The following OPCML variants were observed in gnomAD, a reference collection of about 807,000 sequenced individuals.
OPCML encodes the protein opioid-binding protein/cell adhesion molecule.
OPCML carries 13 observed loss-of-function variants against 37.8 expected under a neutral mutation model. The ratio of observed to expected loss-of-function variants is 0.34; its 90% confidence interval spans 0.22 to 0.55. The LOEUF is 0.55. Among genes scored for constraint, OPCML ranks in the 20% least tolerant of loss-of-function variants. The pLI is 0.91. For missense variants in OPCML, 341 were observed against 435.6 expected, an observed-to-expected ratio of 0.78 and a Z score of 1.93; for synonymous variants, 176 against 168.8, an observed-to-expected ratio of 1.04 and a Z score of -0.33.
At chr11:133,244,528 G>A (rs1030808091) in intron 1 of OPCML, among the ~76,000 whole-genome samples, 16 of 152,160 alleles carry the variant, frequency 1.1e-4, no homozygotes, top group African/African-American at 3.6e-4. Context: ...TTGGCTCTGT[G>A]TTCCCACCTA....
chr11:132,499,175 C>T (rs573229407), intron 4 of OPCML, among the ~76,000 whole-genome samples: 7 of 152,274 alleles, frequency 4.6e-5, no homozygotes, highest in African/African-American at 1.4e-4. Flanking sequence ...GTGATGATTC[C>T]AGGTGCAGGG....
intron 1 of OPCML, among the ~76,000 whole-genome samples, chr11:133,099,442 C>CTTTTTTTTT: frequency 3.2e-3 from 384 of 119,288 alleles, no homozygotes; most frequent in African/African-American, 4.0e-3. Context: ...TTCTTTTTTT[C>CTTTTTTTTT]TTTTTTTTTT....
Position 133,173,011 on chromosome 11 carries a change from A to C in OPCML, c.62-230001T>G, listed in dbSNP as rs115540068. The stretch of plus-strand genomic sequence containing the variant: ...AACACTTAAAGTTGAATTTTTATGA[A>C]AAGTTACATGGCTTAATAATCAAAC... On this transcript the variant is annotated intron_variant, in intron 1 of 7. Coordinates refer to ENST00000524381, the MANE Select transcript of OPCML (RefSeq NM_001012393.5). The surrounding 1 kb of genome is among the most constrained non-coding windows in gnomAD (Gnocchi z 7.8). Among the ~76,000 whole-genome samples, 2,027 of 152,326 alleles carry C rather than the reference A, an allele frequency of 0.013. 31 individuals carry two copies. Among genetic ancestry groups the C allele is most frequent in the African/African-American group, 0.034 (1,398 of 41,550 alleles).
intron 1 of OPCML, among the ~76,000 whole-genome samples, chr11:133,163,260 C>T (rs1189243642): frequency 6.6e-6 from 1 of 152,182 alleles, no homozygotes; most frequent in East Asian, 1.9e-4. Flanking sequence ...GCACGTGTTC[C>T]TGCATGACTG....
intron 1 of OPCML, among the ~76,000 whole-genome samples, chr11:133,515,000 AGT>A (rs1948235389): frequency 6.6e-6 from 1 of 152,218 alleles, no homozygotes; most frequent in South Asian, 2.1e-4. Flanking sequence ...TATACCCAAT[AGT>A]GTTACTATCA....
At chr11:132,761,355 C>T (rs1253252970) in intron 2 of OPCML, among the ~76,000 whole-genome samples, 1 of 150,310 alleles carries the variant, frequency 6.7e-6, no homozygotes, top group East Asian at 2.0e-4. Flanking sequence ...GTTGGCCTGT[C>T]TTGCTAGGTT....
intron 1 of OPCML, among the ~76,000 whole-genome samples, chr11:132,977,946 G>C (rs978685317): frequency 1.2e-4 from 18 of 152,166 alleles, no homozygotes; most frequent in Non-Finnish European, 4.4e-5. Context: ...ACAGAATGAA[G>C]AGCAGAAATG....
At chr11:132,481,342 AG>A (rs1277459875) in intron 4 of OPCML, among the ~76,000 whole-genome samples, 1 of 152,106 alleles carries the variant, frequency 6.6e-6, no homozygotes, top group Non-Finnish European at 1.5e-5. Context: ...ATAATGATAA[AG>A]GGATCAATTC....
Position 133,208,347 on chromosome 11 carries a change from A to T in OPCML, c.62-265337T>A, listed in dbSNP as rs1233836568. 6.6e-6 allele frequency among the ~76,000 whole-genome samples: 1 copy of T among 152,166 alleles called. No homozygotes were observed. Among genetic ancestry groups the T allele is most frequent in the African/African-American group, 2.4e-5 (1 of 41,436 alleles). On this transcript the variant is annotated intron_variant, in intron 1 of 7. Transcript: ENST00000524381. The surrounding 1 kb of genome is among the most constrained non-coding windows in gnomAD (Gnocchi z 8.9). ...CGTGTGTTCTACTACATTCAGTATC[A>T]TTGTCGAGGGGCAGCTGGGGCATGG...
chr11:133,431,736 A>T lies in OPCML; in HGVS notation c.61+100528T>A, dbSNP rs183509569. On this transcript the variant is annotated intron_variant, in intron 1 of 7. Coordinates refer to ENST00000524381, the MANE Select transcript of OPCML (RefSeq NM_001012393.5). ...AGCCTCAGCCTCCTAAAGTGCTGGG[A>T]TTACAGGTGTGAACCACTGCGCCCC... 5.5e-3 allele frequency among the ~76,000 whole-genome samples: 831 copies of T among 151,000 alleles called. 10 individuals are homozygous for T. Among genetic ancestry groups the T allele is most frequent in the African/African-American group, 0.019 (801 of 41,296 alleles).
In OPCML at chr11:132,943,141, T is replaced by A. The variant is rs1389738725; in HGVS notation, c.62-131A>T. 1.3e-5 allele frequency: 21 copies of A among 1,604,876 alleles called. No homozygotes were observed. The highest frequency in any genetic ancestry group is 1.8e-5 in the Non-Finnish European group (21 of 1,172,920). On this transcript the variant is annotated intron_variant, in intron 1 of 7. Transcript: ENST00000524381. This position sits in a 1 kb window ranked among gnomAD's most constrained non-coding sequence, Gnocchi z 4.3. ...GACTCCGGCAGCCGCACAGTCCTGG[T>A]CCCCCGCCCCGCGCACCAGCGGGCT...
At chr11:132,430,359 A>T (rs562704061) in intron 7 of OPCML, among the ~76,000 whole-genome samples, 1 of 152,320 alleles carries the variant, frequency 6.6e-6, no homozygotes, top group African/African-American at 2.4e-5. Flanking sequence ...ATGGTTTCCC[A>T]TGAGAAGGAG....
intron 2 of OPCML, among the ~76,000 whole-genome samples, chr11:132,714,873 C>G (rs535397514): frequency 6.6e-6 from 1 of 152,232 alleles, no homozygotes; most frequent in African/African-American, 2.4e-5. Context: ...TGGAAGATAA[C>G]AGAGAGCTCT....
intron 3 of OPCML, among the ~76,000 whole-genome samples, chr11:132,544,504 T>A (rs80123887): frequency 6.6e-6 from 1 of 152,192 alleles, no homozygotes; most frequent in African/African-American, 2.4e-5. Flanking sequence ...ATTGGGCAAA[T>A]CTTTTTGGAA....
At chr11:132,771,024 G>T (rs937377962) in intron 2 of OPCML, among the ~76,000 whole-genome samples, 3 of 152,144 alleles carry the variant, frequency 2.0e-5, no homozygotes, top group Non-Finnish European at 4.4e-5. Context: ...GGCACTAGGA[G>T]TCCTGATCGC....
chr11:132,454,627 G>C (rs769016386), intron 4 of OPCML, among the ~76,000 whole-genome samples: 74 of 152,178 alleles, frequency 4.9e-4, no homozygotes, highest in Non-Finnish European at 8.1e-4. Context: ...TCGGGAACAT[G>C]GCAGCAGCCA....
chr11:132,973,815 C>T (rs1278632361), intron 1 of OPCML, among the ~76,000 whole-genome samples: 1 of 152,228 alleles, frequency 6.6e-6, no homozygotes. Flanking sequence ...CCCCTTTGCT[C>T]TCGGCAGATG....
In OPCML at chr11:133,149,963, C is replaced by T. The variant is rs575444790; in HGVS notation, c.62-206953G>A. On this transcript the variant is annotated intron_variant, in intron 1 of 7. Coordinates refer to ENST00000524381, the MANE Select transcript of OPCML (RefSeq NM_001012393.5). ...TGTACTCAGCACTGGGGAGGGGAAG[C>T]GTCTGGTGCTTGTGTTCTCCCAGAA... is the stretch of plus-strand genomic sequence containing the variant. Among the ~76,000 whole-genome samples the T allele has an allele frequency of 4.4e-4, 67 of 152,334 alleles. 1 individual carries two copies. The South Asian group carries it at 0.013, about 29-fold the overall frequency.
chr11:133,386,764 G>C (rs1945064008), intron 1 of OPCML, among the ~76,000 whole-genome samples: 1 of 152,094 alleles, frequency 6.6e-6, no homozygotes, highest in Admixed American at 6.5e-5. Flanking sequence ...TGTCTTTCCT[G>C]GTCCCTTCAC....
Sources: gnomAD v4.1 joint callset for allele counts (sites outside exome capture counted in the v4.1 genomes callset) on GRCh38, gnomAD v4.1.1 for gene constraint, Gnocchi (gnomAD v3.1) non-coding constraint, MANE v1.5 for transcripts, NCBI Gene and HGNC (gene_info 2026-07-23, HGNC 2026-07-21) for gene names.